Variants in GPHN observed in about 807,000 individuals in gnomAD.
GPHN encodes the protein gephyrin.
GPHN carries 17 observed loss-of-function variants against 95.5 expected under a neutral mutation model. That is an observed-to-expected ratio of 0.18 (90% CI 0.12 to 0.27). The LOEUF is 0.27. Ranked by LOEUF, GPHN falls within the 10% of genes least tolerant of loss-of-function variation. The pLI is 1.00. For synonymous variants in GPHN, 320 were observed against 322.5 expected (o/e 0.99, Z 0.08); for missense variants, 660 against 978.1 (o/e 0.67, Z 4.34).
At chr14:66,718,845 G>A (rs1437534696) in intron 2 of GPHN, among the ~76,000 whole-genome samples, 1 of 152,192 alleles carries the variant, frequency 6.6e-6, no homozygotes, top group African/African-American at 2.4e-5. Flanking sequence ...GGCCCAGGAT[G>A]TCTGAGCTCA....
chr14:67,674,109 A>T, the GPHN span, among the ~76,000 whole-genome samples: 2 of 152,258 alleles, frequency 1.3e-5, no homozygotes, highest in African/African-American at 4.8e-5. Flanking sequence ...CAGATGCAAA[A>T]GCCCCTCTGC....
chr14:66,985,584 T>A, intron 9 of GPHN: 1 of 724,812 alleles, frequency 1.4e-6, no homozygotes, highest in Non-Finnish European at 2.4e-6. Flanking sequence ...AGAGAGTCAA[T>A]TGATGTTTTT....
intron 12 of GPHN, among the ~76,000 whole-genome samples, chr14:67,095,312 T>G (rs1372637000): frequency 1.3e-5 from 2 of 152,186 alleles, no homozygotes; most frequent in Non-Finnish European, 2.9e-5. Context: ...TGTTAGAATT[T>G]AGAATCTCAC....
intron 2 of GPHN, among the ~76,000 whole-genome samples, chr14:66,769,995 T>C (rs1461956695): frequency 2.0e-5 from 3 of 152,188 alleles, no homozygotes; most frequent in Non-Finnish European, 4.4e-5. Context: ...GCATCTGTTA[T>C]TTTTGGACTT....
intron 17 of GPHN, among the ~76,000 whole-genome samples, chr14:67,125,676 C>T (rs573010051): frequency 6.6e-6 from 1 of 152,018 alleles, no homozygotes; most frequent in South Asian, 2.1e-4. Context: ...ACTTGGGAGG[C>T]TGAGGCAGGG....
chr14:66,866,808 TTACCTTTAAACA>T (rs1258275916), intron 4 of GPHN, among the ~76,000 whole-genome samples: 5 of 152,286 alleles, frequency 3.3e-5, no homozygotes, highest in African/African-American at 1.2e-4. Context: ...AGAGGAATAA[TTACCTTTAAACA>T]TTAGAACCTT....
intron 19 of GPHN, among the ~76,000 whole-genome samples, chr14:67,163,853 GA>G (rs111732813): frequency 0.057 from 8,445 of 147,408 alleles, 240 homozygotes; most frequent in Middle Eastern, 0.069. Flanking sequence ...GTAATTAATA[GA>G]AAAAAAAAAC....
chr14:67,110,074 T>A (rs1202194860), intron 13 of GPHN, 66 bp from the exon 14 acceptor site: 1 of 1,409,338 alleles, frequency 7.1e-7, no homozygotes, highest in Non-Finnish European at 1.0e-6. Flanking sequence ...AAAATTAACA[T>A]CCTCTGCAGA....
At chr14:66,679,699 G>T (rs936860200) in intron 1 of GPHN, among the ~76,000 whole-genome samples, 3 of 152,082 alleles carry the variant, frequency 2.0e-5, no homozygotes, top group Non-Finnish European at 2.9e-5. Context: ...TCTGTGCTTT[G>T]CTGTATTCAG....
chr14:66,999,084 CAAGT>C (rs1335373860), intron 9 of GPHN, among the ~76,000 whole-genome samples: 1 of 151,842 alleles, frequency 6.6e-6, no homozygotes, highest in Non-Finnish European at 1.5e-5. Context: ...ATAAAGCTAG[CAAGT>C]GAGTGGCAGA....
chr14:67,587,049 C>A, the GPHN span: 3 of 1,560,506 alleles, frequency 1.9e-6, no homozygotes, highest in East Asian at 7.1e-5. Context: ...AGTTCAATTC[C>A]TTCACATCTC....
the GPHN span, among the ~76,000 whole-genome samples, chr14:67,680,336 T>G: frequency 6.6e-6 from 1 of 152,234 alleles, no homozygotes; most frequent in East Asian, 1.9e-4. Context: ...ACTCAGCCTT[T>G]GTAAGCCTCT....
the GPHN span, among the ~76,000 whole-genome samples, chr14:67,268,387 G>A: frequency 6.6e-6 from 1 of 152,330 alleles, no homozygotes; most frequent in East Asian, 1.9e-4. Flanking sequence ...GATCTTGCAT[G>A]AGAAAGAATT....
the GPHN span, chr14:67,616,294 C>G: frequency 6.4e-6 from 1 of 157,322 alleles, no homozygotes; most frequent in East Asian, 1.8e-4. Flanking sequence ...TTTTAATAGC[C>G]TCCATACTGT....
chr14:66,803,125 T>A (rs1224450626), intron 3 of GPHN, among the ~76,000 whole-genome samples: 1 of 152,180 alleles, frequency 6.6e-6, no homozygotes, highest in East Asian at 1.9e-4. Flanking sequence ...ACTCAAGTTC[T>A]GATTGCTAGG....
At chr14:66,763,866 T>C (rs2058856168) in intron 2 of GPHN, among the ~76,000 whole-genome samples, 1 of 152,006 alleles carries the variant, frequency 6.6e-6, no homozygotes, top group Non-Finnish European at 1.5e-5. Flanking sequence ...GTCAGATCAG[T>C]GGCAGCATTA....
the GPHN span, chr14:67,571,622 G>A: frequency 4.1e-5 from 34 of 830,602 alleles, no homozygotes; most frequent in Non-Finnish European, 6.3e-5. Context: ...ACACTGGACA[G>A]TTGTCTGTTC....
At chr14:67,089,125 C>CTTTTTTTTTTTT (rs1264164364) in intron 12 of GPHN, 50 bp downstream of exon 12, 12 of 329,560 alleles carry the variant, frequency 3.6e-5, no homozygotes, top group African/African-American at 2.2e-4. Context: ...ATTTTTTTTT[C>CTTTTTTTTTTTT]TTTTTTTCTT....
At chr14:67,600,779 A>G in the GPHN span, among the ~76,000 whole-genome samples, 10 of 152,234 alleles carry the variant, frequency 6.6e-5, no homozygotes, top group East Asian at 1.4e-3. Flanking sequence ...AGGTTTCACC[A>G]TGTTGGCCAG....
Sources: gnomAD v4.1 joint callset for allele counts (sites outside exome capture counted in the v4.1 genomes callset) on GRCh38, gnomAD v4.1.1 for gene constraint, MANE v1.5 for transcripts, NCBI Gene and HGNC (gene_info 2026-07-23, HGNC 2026-07-21) for gene names.